SCFD2: variants seen among roughly 807,000 people sequenced by gnomAD.
SCFD2 encodes the protein sec1 family domain containing 2, also known as sec1 family domain-containing protein 2.
In SCFD2, 54 loss-of-function variants were observed where a neutral mutation model predicts 58.9. The observed-to-expected ratio is 0.92, with a 90% CI of 0.74 to 1.15. SCFD2 has a LOEUF of 1.15. Ranked by LOEUF, SCFD2 falls within the 50% of genes most tolerant of loss-of-function variation. SCFD2 has a pLI of 0.00. For missense variants in SCFD2, 805 were observed against 836.6 expected, an observed-to-expected ratio of 0.96 and a Z score of 0.47; for synonymous variants, 321 against 335.9, an observed-to-expected ratio of 0.96 and a Z score of 0.49.
At chr4:53,307,478 T>G (rs764143332) in intron 3 of SCFD2, among the ~76,000 whole-genome samples, 2 of 152,192 alleles carry the variant, frequency 1.3e-5, no homozygotes, top group Non-Finnish European at 2.9e-5. Context: ...TCCAGCTTTG[T>G]ATCCTTGCTT....
chr4:53,202,560 T>A (rs1428163676), intron 4 of SCFD2, among the ~76,000 whole-genome samples: 8 of 152,180 alleles, frequency 5.3e-5, no homozygotes, highest in East Asian at 1.9e-4. Flanking sequence ...CAATTCTGTG[T>A]AGAAAGTCAT....
At chr4:52,878,498 T>A (rs549335661) in intron 8 of SCFD2, among the ~76,000 whole-genome samples, 18 of 152,354 alleles carry the variant, frequency 1.2e-4, no homozygotes, top group African/African-American at 4.1e-4. Flanking sequence ...ATCTTAGGCA[T>A]CTTTTGGTAT....
At chr4:53,114,510 A>C (rs4864446) in intron 5 of SCFD2, among the ~76,000 whole-genome samples, 25,596 of 152,150 alleles carry the variant, frequency 0.17, 2,612 homozygotes, top group Middle Eastern at 0.27. Context: ...AATCCAGCCC[A>C]AAAGCCAGAA....
At chr4:53,115,514 C>G (rs760360500) in intron 5 of SCFD2, among the ~76,000 whole-genome samples, 1 of 152,098 alleles carries the variant, frequency 6.6e-6, no homozygotes, top group Non-Finnish European at 1.5e-5. Flanking sequence ...AGATCAATTG[C>G]TGTAAGAATC....
At chr4:53,251,689 C>A (rs1265338502) in intron 4 of SCFD2, among the ~76,000 whole-genome samples, 24 of 152,072 alleles carry the variant, frequency 1.6e-4, no homozygotes, top group Middle Eastern at 3.4e-3. Context: ...AACAACCCTT[C>A]ATGCTAAAAA....
chr4:53,051,121 T>C (rs779487747), intron 5 of SCFD2, among the ~76,000 whole-genome samples: 5 of 152,242 alleles, frequency 3.3e-5, no homozygotes, highest in Non-Finnish European at 5.9e-5. Context: ...TTCCTCACTG[T>C]ATTCCTAGTG....
At chr4:53,360,142 C>T (rs767709555) in intron 1 of SCFD2, among the ~76,000 whole-genome samples, 1 of 152,166 alleles carries the variant, frequency 6.6e-6, no homozygotes, top group Non-Finnish European at 1.5e-5. Flanking sequence ...TTTGACAATA[C>T]AGCTATGTAC....
chr4:52,940,084 C>A (rs1004564526), intron 5 of SCFD2, among the ~76,000 whole-genome samples: 1 of 152,224 alleles, frequency 6.6e-6, no homozygotes, highest in South Asian at 2.1e-4. Flanking sequence ...TGCTAGTCTT[C>A]CCTGCTGGGC....
intron 4 of SCFD2, among the ~76,000 whole-genome samples, chr4:53,234,007 G>A (rs1446245645): frequency 1.3e-5 from 2 of 152,128 alleles, no homozygotes; most frequent in East Asian, 1.9e-4. Flanking sequence ...TCAATTAAAT[G>A]CAGAATCTAG....
At chr4:53,162,212 G>A (rs1726874153) in intron 4 of SCFD2, among the ~76,000 whole-genome samples, 1 of 151,710 alleles carries the variant, frequency 6.6e-6, no homozygotes, top group Non-Finnish European at 1.5e-5. Flanking sequence ...CTCTGATCAG[G>A]CAACATAAAT....
intron 2 of SCFD2, among the ~76,000 whole-genome samples, chr4:53,345,285 C>T (rs535340206): frequency 2.8e-4 from 43 of 152,128 alleles, no homozygotes; most frequent in East Asian, 1.2e-3. Context: ...AAGTGGGCAA[C>T]GGATATGAAC....
intron 7 of SCFD2, among the ~76,000 whole-genome samples, chr4:52,886,221 C>CT (rs994164044): frequency 8.6e-5 from 13 of 151,966 alleles, no homozygotes; most frequent in South Asian, 2.1e-4. Context: ...TTGTTTTAGC[C>CT]TTTTTTTTGC....
At chr4:53,172,628 C>T (rs1439797055) in intron 4 of SCFD2, among the ~76,000 whole-genome samples, 1 of 152,132 alleles carries the variant, frequency 6.6e-6, no homozygotes, top group East Asian at 1.9e-4. Flanking sequence ...TGTTGTTTAA[C>T]TTCCACATAT....
chr4:52,949,525 T>C (rs1720532021), intron 5 of SCFD2: 1 of 152,192 alleles, frequency 6.6e-6, no homozygotes, highest in African/African-American at 2.4e-5. Flanking sequence ...ACAGGTGTTC[T>C]CTCTTGAACT....
chr4:53,096,484 G>T (rs1429991122), intron 5 of SCFD2, among the ~76,000 whole-genome samples: 2 of 152,214 alleles, frequency 1.3e-5, no homozygotes, highest in African/African-American at 2.4e-5. Flanking sequence ...ATGAGCATTT[G>T]TTCATGTGTC....
rs549541453 is a variant in SCFD2, at chr4:53,210,885, C to A, written c.1311+62941G>T. Reference sequence around the variant, plus strand: ...TGCCTTTCTGTTGTGGGTCTTAAGACCCTCCCAGAGATGGTCCACCCCATA... The same window carrying A: ...TGCCTTTCTGTTGTGGGTCTTAAGAACCTCCCAGAGATGGTCCACCCCATA... On this transcript the variant is annotated intron_variant, in intron 4 of 8. Transcript: ENST00000401642. Among the ~76,000 whole-genome samples the A allele has an allele frequency of 1.4e-4, 21 of 152,048 alleles. 1 individual carries two copies. The highest frequency in any genetic ancestry group is 4.3e-4 in the African/African-American group (18 of 41,428).
At chr4:52,891,609 G>A (rs1050821041) in intron 7 of SCFD2, among the ~76,000 whole-genome samples, 3 of 152,162 alleles carry the variant, frequency 2.0e-5, no homozygotes, top group African/African-American at 4.8e-5. Flanking sequence ...TCCACATACC[G>A]CCTTTTCCCA....
At chr4:53,358,877 C>CA (rs1323613637) in intron 1 of SCFD2, among the ~76,000 whole-genome samples, 1 of 152,170 alleles carries the variant, frequency 6.6e-6, no homozygotes, top group Non-Finnish European at 1.5e-5. Flanking sequence ...GTAGTCTGGA[C>CA]ATGGTCAAAG....
intron 8 of SCFD2, among the ~76,000 whole-genome samples, chr4:52,878,752 C>A (rs956050577): frequency 6.6e-6 from 1 of 152,180 alleles, no homozygotes; most frequent in Admixed American, 6.5e-5. Flanking sequence ...GAATTCCTTT[C>A]AGAGAACTGG....
Sources: gnomAD v4.1 joint callset for allele counts (sites outside exome capture counted in the v4.1 genomes callset) on GRCh38, gnomAD v4.1.1 for gene constraint, MANE v1.5 for transcripts, NCBI Gene and HGNC (gene_info 2026-07-23, HGNC 2026-07-21) for gene names.